Variants in MAF observed in about 807,000 individuals in gnomAD.
MAF encodes the protein transcription factor Maf.
Under a neutral mutation model 22.0 loss-of-function variants are expected in MAF, and 10 were observed. That is an observed-to-expected ratio of 0.45 (90% CI 0.28 to 0.77). The LOEUF is 0.77. Among genes scored for constraint, MAF ranks in the 30% least tolerant of loss-of-function variants. MAF has a pLI of 0.12. For missense variants in MAF, 544 were observed against 548.4 expected (o/e 0.99, Z 0.08); for synonymous variants, 337 against 255.8 (o/e 1.32, Z -3.03).
the MAF span, among the ~76,000 whole-genome samples, chr16:79,348,060 A>G: frequency 6.6e-6 from 1 of 152,212 alleles, no homozygotes; most frequent in African/African-American, 2.4e-5. Flanking sequence ...CTCAGCGTCA[A>G]CATTAGTGTG....
chr16:79,346,216 C>T, the MAF span, among the ~76,000 whole-genome samples: 1 of 139,058 alleles, frequency 7.2e-6, no homozygotes, highest in Non-Finnish European at 1.5e-5. Context: ...GTGTGATGTT[C>T]CCCACCCTGT....
chr16:79,414,631 C>A, the MAF span, among the ~76,000 whole-genome samples: 1 of 152,252 alleles, frequency 6.6e-6, no homozygotes, highest in South Asian at 2.1e-4. Flanking sequence ...CAGACACGGA[C>A]TAGTGCTCAA....
intron 1 of MAF, among the ~76,000 whole-genome samples, chr16:79,587,025 G>T (rs922147283): frequency 2.0e-5 from 3 of 152,200 alleles, no homozygotes; most frequent in Non-Finnish European, 4.4e-5. Context: ...TCTCTAGGCT[G>T]CTGTAACAGA....
At chr16:79,410,299 GA>G in the MAF span, among the ~76,000 whole-genome samples, 4 of 152,184 alleles carry the variant, frequency 2.6e-5, no homozygotes, top group African/African-American at 9.7e-5. Context: ...CCCAATTTGC[GA>G]ATCTTTCATT....
the MAF span, among the ~76,000 whole-genome samples, chr16:79,572,981 T>C: frequency 1.5e-4 from 23 of 152,236 alleles, no homozygotes; most frequent in African/African-American, 4.3e-4. Flanking sequence ...AATCATTCTA[T>C]GTTCTAGCCA....
At chr16:79,461,312 T>G in the MAF span, among the ~76,000 whole-genome samples, 1 of 152,156 alleles carries the variant, frequency 6.6e-6, no homozygotes, top group African/African-American at 2.4e-5. Flanking sequence ...ATAAAATGCA[T>G]TTTTTGCTTA....
At chr16:79,596,638 G>C in intron 1 of MAF, 1 of 1,039,032 alleles carries the variant, frequency 9.6e-7, no homozygotes, top group Non-Finnish European at 1.2e-6. Context: ...AAAAGTAACT[G>C]ACAAGATTTT....
chr16:79,324,831 T>G, the MAF span, among the ~76,000 whole-genome samples: 1 of 152,322 alleles, frequency 6.6e-6, no homozygotes, highest in South Asian at 2.1e-4. Flanking sequence ...ATCTATTCTC[T>G]TACAGTTCTG....
chr16:79,254,364 T>A, the MAF span, among the ~76,000 whole-genome samples: 1 of 152,180 alleles, frequency 6.6e-6, no homozygotes, highest in Non-Finnish European at 1.5e-5. Context: ...TGGGCATCTC[T>A]CTATGACTTC....
chr16:79,289,978 T>A, the MAF span, among the ~76,000 whole-genome samples: 1 of 151,008 alleles, frequency 6.6e-6, no homozygotes, highest in African/African-American at 2.4e-5. Flanking sequence ...TGCCTCAGCC[T>A]CCTGAGTAGT....
chr16:79,432,114 T>A, the MAF span, among the ~76,000 whole-genome samples: 1 of 152,140 alleles, frequency 6.6e-6, no homozygotes, highest in Non-Finnish European at 1.5e-5. Flanking sequence ...GGTAAATGGA[T>A]CACAGGGATG....
chr16:79,244,818 T>C, the MAF span, among the ~76,000 whole-genome samples: 2 of 152,008 alleles, frequency 1.3e-5, no homozygotes, highest in Non-Finnish European at 1.5e-5. Flanking sequence ...CTTCAAAGTA[T>C]ACTACATGGC....
At chr16:79,576,940 T>C in the MAF span, among the ~76,000 whole-genome samples, 1 of 152,224 alleles carries the variant, frequency 6.6e-6, no homozygotes, top group African/African-American at 2.4e-5. Flanking sequence ...ATGGGACTTT[T>C]ATTAGAGTGA....
chr16:79,353,706 A>T, the MAF span, among the ~76,000 whole-genome samples: 1 of 152,082 alleles, frequency 6.6e-6, no homozygotes. Context: ...AGGTCCTGAG[A>T]GGGTAAGGGA....
At chr16:79,212,392 A>AC in the MAF span, 2 of 465,900 alleles carry the variant, frequency 4.3e-6, no homozygotes, top group South Asian at 8.0e-5. Flanking sequence ...CCAGGTGGCA[A>AC]AGTACTTGTC....
the MAF span, among the ~76,000 whole-genome samples, chr16:79,563,850 G>A: frequency 6.6e-6 from 1 of 152,218 alleles, no homozygotes; most frequent in South Asian, 2.1e-4. Context: ...TGGTTGAGAA[G>A]TAAAAAGCCT....
chr16:79,305,942 C>G, the MAF span, among the ~76,000 whole-genome samples: 1 of 152,118 alleles, frequency 6.6e-6, no homozygotes, highest in Admixed American at 6.5e-5. Context: ...TGTATTAGAC[C>G]CTGGGCTCCA....
the MAF span, among the ~76,000 whole-genome samples, chr16:79,562,621 T>A: frequency 6.6e-6 from 1 of 152,114 alleles, no homozygotes; most frequent in East Asian, 1.9e-4. Flanking sequence ...GAACACAAAT[T>A]TCTCAACATC....
the MAF span, among the ~76,000 whole-genome samples, chr16:79,229,809 C>T: frequency 2.0e-5 from 3 of 152,016 alleles, no homozygotes; most frequent in African/African-American, 7.2e-5. Context: ...TTAATCCTAA[C>T]CTAGTGGTGA....
Sources: allele counts gnomAD v4.1 joint callset (sites outside exome capture counted in the v4.1 genomes callset), GRCh38; gene constraint gnomAD v4.1.1; transcripts MANE v1.5; gene names NCBI Gene and HGNC (gene_info 2026-07-23, HGNC 2026-07-21).